RNF13: variants seen among roughly 807,000 people sequenced by gnomAD.
RNF13 encodes ring finger protein 13.
RNF13 carries 19 observed loss-of-function variants against 37.7 expected under a neutral mutation model. That is an observed-to-expected ratio of 0.50 (90% CI 0.35 to 0.74). The LOEUF (loss-of-function observed/expected upper bound fraction) is 0.74, where lower values mean the gene tolerates loss of function less well. RNF13 is among the 30% of genes least tolerant of loss of function. The pLI, the probability that RNF13 is intolerant of heterozygous loss-of-function variation, is 0.01. For missense variants in RNF13, 375 were observed against 453.0 expected, an observed-to-expected ratio of 0.83 and a Z score of 1.56; for synonymous variants, 144 against 157.8, an observed-to-expected ratio of 0.91 and a Z score of 0.65.
chr3:149,870,300 T>TG (rs1313481856), intron 3 of RNF13, among the ~76,000 whole-genome samples: 1 of 151,096 alleles, frequency 6.6e-6, no homozygotes, highest in East Asian at 1.9e-4. Context: ...CTCGGCAAAA[T>TG]GGGGGGAGGG....
intron 1 of RNF13, among the ~76,000 whole-genome samples, chr3:149,835,712 G>A (rs966831689): frequency 6.6e-6 from 1 of 150,796 alleles, no homozygotes; most frequent in African/African-American, 2.5e-5. Context: ...TCTTTATCCA[G>A]TAGTTGATTG....
At chr3:149,860,534 C>T (rs1724149672) in intron 3 of RNF13, among the ~76,000 whole-genome samples, 1 of 151,632 alleles carries the variant, frequency 6.6e-6, no homozygotes, top group African/African-American at 2.4e-5. Flanking sequence ...GCAGTCTCTT[C>T]AATAAAGAAT....
chr3:149,957,250 A>T (rs1039500476), intron 8 of RNF13, among the ~76,000 whole-genome samples: 1 of 152,156 alleles, frequency 6.6e-6, no homozygotes, highest in African/African-American at 2.4e-5. Flanking sequence ...AGCATTTTCT[A>T]CCATTTTTAG....
chr3:149,832,506 A>T (rs906515919), intron 1 of RNF13, among the ~76,000 whole-genome samples: 2 of 152,200 alleles, frequency 1.3e-5, no homozygotes, highest in South Asian at 2.1e-4. Context: ...ACTGTCATTT[A>T]TCCTCCAAAA....
Position 149,960,041 on chromosome 3 carries a change from A to G in RNF13, c.701-15A>G, listed in dbSNP as rs773728380. On this transcript the variant is annotated splice_polypyrimidine_tract_variant and intron_variant, in intron 8 of 9. Coordinates refer to ENST00000392894, the MANE Select transcript of RNF13 (RefSeq NM_183381.3). ...AAGGTGAAAAAATAGTTCTCTACAT[A>G]TTTTCTGTTTTCAGGAGATGAGTAT... The G allele has an allele frequency of 7.0e-5, 110 of 1,580,224 alleles. No individual in the cohort carries two copies. The highest frequency in any genetic ancestry group is 9.6e-5 in the Non-Finnish European group (110 of 1,150,750).
At chr3:149,833,187 T>G (rs1721244703) in intron 1 of RNF13, among the ~76,000 whole-genome samples, 1 of 148,996 alleles carries the variant, frequency 6.7e-6, no homozygotes, top group East Asian at 2.0e-4. Flanking sequence ...TGGTGTGATC[T>G]TGGCTCACTG....
intron 8 of RNF13, among the ~76,000 whole-genome samples, chr3:149,921,465 C>A (rs937551030): frequency 6.6e-6 from 1 of 152,154 alleles, no homozygotes; most frequent in African/African-American, 2.4e-5. Flanking sequence ...CTCCACCCCC[C>A]AACAGGCCCT....
At chr3:149,933,189 G>T (rs761263196) in intron 8 of RNF13, among the ~76,000 whole-genome samples, 3 of 152,072 alleles carry the variant, frequency 2.0e-5, no homozygotes, top group African/African-American at 7.2e-5. Context: ...CAGAGGCTCC[G>T]CAGGCCTGAC....
chr3:149,867,981 T>G (rs1298375973), intron 3 of RNF13, among the ~76,000 whole-genome samples: 1 of 151,902 alleles, frequency 6.6e-6, no homozygotes, highest in African/African-American at 2.4e-5. Flanking sequence ...AAAGCCATCT[T>G]ATAACAAGTA....
intron 8 of RNF13, among the ~76,000 whole-genome samples, chr3:149,925,926 G>T (rs762653184): frequency 6.6e-6 from 1 of 152,102 alleles, no homozygotes; most frequent in East Asian, 1.9e-4. Context: ...TTTATAACTC[G>T]TTGTTTTACT....
chr3:149,854,674 C>T (rs988721600), intron 3 of RNF13, among the ~76,000 whole-genome samples: 1 of 152,164 alleles, frequency 6.6e-6, no homozygotes, highest in African/African-American at 2.4e-5. Context: ...CCAATGGACC[C>T]TCACACCACA....
intron 8 of RNF13, among the ~76,000 whole-genome samples, chr3:149,929,494 G>A (rs1324597414): frequency 6.6e-6 from 1 of 152,138 alleles, no homozygotes. Flanking sequence ...CTGTGAATAG[G>A]TGTAGTTTTA....
chr3:149,819,427 G>T (rs1253582297), intron 1 of RNF13, among the ~76,000 whole-genome samples: 2 of 149,614 alleles, frequency 1.3e-5, no homozygotes, highest in East Asian at 1.9e-4. Context: ...CCTTAATAAT[G>T]GATCATAATA....
At position 149,861,968 on chromosome 3, in the gene RNF13, A is replaced by G. The variant is rs6773539; in HGVS notation, c.195+9372A>G. On this transcript the variant is annotated intron_variant, in intron 3 of 9. Coordinates refer to ENST00000392894, the MANE Select transcript of RNF13 (RefSeq NM_183381.3). ...TATGAAAATCATACATAATTCTACA[A>G]TTAAAGATTATAATGGTAGATGTTT... Among the ~76,000 whole-genome samples, 916 of 152,276 alleles carry G rather than the reference A, an allele frequency of 6.0e-3. 6 individuals are homozygous for G. The highest frequency in any genetic ancestry group is 0.021 in the African/African-American group (871 of 41,576).
chr3:149,952,109 A>C (rs1024601571), intron 8 of RNF13, among the ~76,000 whole-genome samples: 4 of 152,224 alleles, frequency 2.6e-5, no homozygotes, highest in African/African-American at 9.7e-5. Context: ...TGAAAGTTCA[A>C]GTCTACTAGC....
chr3:149,831,068 A>C (rs541612918), intron 1 of RNF13, among the ~76,000 whole-genome samples: 16 of 152,370 alleles, frequency 1.1e-4, no homozygotes, highest in African/African-American at 3.8e-4. Context: ...GAATGTATGG[A>C]AATGCCTGGA....
At chr3:149,898,936 A>C (rs1715535249) in intron 5 of RNF13, among the ~76,000 whole-genome samples, 1 of 152,212 alleles carries the variant, frequency 6.6e-6, no homozygotes, top group Non-Finnish European at 1.5e-5. Context: ...AGGCTGAGTC[A>C]TGCAGATTTC....
chr3:149,827,778 A>G (rs998871259), intron 1 of RNF13, among the ~76,000 whole-genome samples: 3 of 152,162 alleles, frequency 2.0e-5, no homozygotes, highest in African/African-American at 7.2e-5. Context: ...GTGTCCAGAA[A>G]AGACCAAGAA....
At chr3:149,956,969 C>T (rs1246167929) in intron 8 of RNF13, among the ~76,000 whole-genome samples, 1 of 152,132 alleles carries the variant, frequency 6.6e-6, no homozygotes, top group Non-Finnish European at 1.5e-5. Context: ...CACCAAATGT[C>T]CTTTGGGAGC....
Sources: allele counts gnomAD v4.1 joint callset (sites outside exome capture counted in the v4.1 genomes callset), GRCh38; gene constraint gnomAD v4.1.1; transcripts MANE v1.5; gene names NCBI Gene and HGNC (gene_info 2026-07-23, HGNC 2026-07-21).